Variants in ADGRL2 observed in about 807,000 individuals in gnomAD.
The protein encoded by ADGRL2 is adhesion G protein-coupled receptor L2.
ADGRL2 carries 44 observed loss-of-function variants against 157.4 expected under a neutral mutation model. The ratio of observed to expected loss-of-function variants is 0.28; its 90% CI spans 0.22 to 0.36. The LOEUF (loss-of-function observed/expected upper bound fraction) is 0.36, where lower values mean the gene tolerates loss of function less well. ADGRL2 is among the 10% of genes least tolerant of loss of function. ADGRL2 has a pLI of 1.00. For synonymous variants in ADGRL2, 585 were observed against 624.7 expected, an observed-to-expected ratio of 0.94 and a Z score of 0.95; for missense variants, 1,510 against 1,768.9, an observed-to-expected ratio of 0.85 and a Z score of 2.63.
chr1:81,837,552 T>G (rs1432968993), intron 2 of ADGRL2, among the ~76,000 whole-genome samples: 1 of 151,992 alleles, frequency 6.6e-6, no homozygotes, highest in Non-Finnish European at 1.5e-5. Context: ...ATATGTATAT[T>G]CTTTGTAATG....
intron 1 of ADGRL2, among the ~76,000 whole-genome samples, chr1:81,821,382 C>T (rs2090975762): frequency 6.6e-6 from 1 of 152,120 alleles, no homozygotes; most frequent in Admixed American, 6.6e-5. Flanking sequence ...ATGCAGGGAG[C>T]TCTTCCTCCA....
intron 5 of ADGRL2, 134 bp from the exon 6 acceptor site, chr1:81,942,835 A>G (rs1349627289): frequency 8.3e-6 from 6 of 726,288 alleles, no homozygotes; most frequent in African/African-American, 3.5e-5. Flanking sequence ...TAGTATTTGT[A>G]TGAAGTATAC....
In ADGRL2 at chr1:81,634,488, T is replaced by A. The variant is rs535996362; in HGVS notation, c.-143+53508T>A. On this transcript the variant is annotated intron_variant, in intron 3 of 24. Transcript: ENST00000370721. ...TGTTCCCCCCACTATGCTCCAATTA[T>A]GTTAGCTTTAAGTTAGCTATCTTGT... Among the ~76,000 whole-genome samples, 205 of 151,450 alleles carry A rather than the reference T, an allele frequency of 1.4e-3. 4 individuals carry two copies. Among genetic ancestry groups the A allele is most frequent in the Admixed American group, 2.6e-3 (39 of 15,196 alleles).
intron 1 of ADGRL2, among the ~76,000 whole-genome samples, chr1:81,402,518 C>G (rs561086456): frequency 5.3e-5 from 8 of 152,056 alleles, no homozygotes; most frequent in Non-Finnish European, 1.0e-4. Context: ...AGGTTCTAAC[C>G]ATAGCCAGCT....
intron 1 of ADGRL2, among the ~76,000 whole-genome samples, chr1:81,398,270 A>T (rs760766973): frequency 5.3e-5 from 8 of 151,766 alleles, no homozygotes; most frequent in Non-Finnish European, 1.0e-4. Flanking sequence ...TCACTGTATA[A>T]CTTTTAAGTA....
chr1:81,833,556 T>C (rs553945531), intron 1 of ADGRL2, among the ~76,000 whole-genome samples: 1 of 152,354 alleles, frequency 6.6e-6, no homozygotes, highest in South Asian at 2.1e-4. Context: ...TAATAAACAT[T>C]TTATTTTTTC....
chr1:81,390,002 G>C (rs1398639520), intron 1 of ADGRL2, among the ~76,000 whole-genome samples: 2 of 152,104 alleles, frequency 1.3e-5, no homozygotes, highest in East Asian at 3.9e-4. Flanking sequence ...TGATAATACA[G>C]GTTGAGGTAA....
At chr1:81,527,908 A>C (rs917573557) in intron 2 of ADGRL2, among the ~76,000 whole-genome samples, 1 of 151,746 alleles carries the variant, frequency 6.6e-6, no homozygotes, top group Non-Finnish European at 1.5e-5. Flanking sequence ...TCTACTAAAA[A>C]TACCAACAAT....
Position 81,561,437 on chromosome 1 carries a change from TTCTG to T in ADGRL2, c.-247-19437_-247-19434del, listed in dbSNP as rs1342209889. ...CAATTTTTTGTTTTGTTTTGTTTTG[TTCTG>T]TTTTTTTTTGTTGTTGTTGTTTTTG... is the stretch of plus-strand genomic sequence containing the variant. On this transcript the variant is annotated intron_variant, in intron 2 of 24. Coordinates refer to the ADGRL2 transcript ENST00000370721. 1.2e-4 allele frequency among the ~76,000 whole-genome samples: 18 copies of T among 150,230 alleles called. No individual in the cohort carries two copies. In the South Asian group the frequency reaches 1.7e-3, roughly 14 times the overall value.
chr1:81,543,842 C>T (rs987620269), intron 2 of ADGRL2, among the ~76,000 whole-genome samples: 1 of 152,200 alleles, frequency 6.6e-6, no homozygotes, highest in Non-Finnish European at 1.5e-5. Flanking sequence ...TTTCTAAACT[C>T]ATCTCCTTTT....
At chr1:81,486,397 T>C (rs557126094) in intron 2 of ADGRL2, among the ~76,000 whole-genome samples, 3 of 152,230 alleles carry the variant, frequency 2.0e-5, no homozygotes, top group African/African-American at 7.2e-5. Context: ...AAATTGTCTC[T>C]GAAGGCAATC....
intron 1 of ADGRL2, among the ~76,000 whole-genome samples, chr1:81,365,562 A>G (rs1034350996): frequency 2.0e-5 from 3 of 152,194 alleles, no homozygotes; most frequent in African/African-American, 7.2e-5. Context: ...TCCTTCTTAA[A>G]TCAAAATAAG....
intron 2 of ADGRL2, among the ~76,000 whole-genome samples, chr1:81,497,737 G>A (rs754705155): frequency 4.6e-5 from 7 of 152,204 alleles, no homozygotes; most frequent in Admixed American, 2.0e-4. Context: ...ATGATGCGAA[G>A]TATGTGAAGT....
intron 1 of ADGRL2, among the ~76,000 whole-genome samples, chr1:81,338,727 T>A (rs1661835598): frequency 6.6e-6 from 1 of 152,172 alleles, no homozygotes; most frequent in African/African-American, 2.4e-5. Context: ...CTATTCCTCT[T>A]CTGCAAATGA....
chr1:81,457,236 G>A (rs1423365901), intron 2 of ADGRL2, among the ~76,000 whole-genome samples: 1 of 151,848 alleles, frequency 6.6e-6, no homozygotes, highest in African/African-American at 2.4e-5. Flanking sequence ...AAGGTCTCTT[G>A]ACCACAGAAA....
chr1:81,579,636 G>T (rs957782359), intron 2 of ADGRL2, among the ~76,000 whole-genome samples: 1 of 152,062 alleles, frequency 6.6e-6, no homozygotes, highest in Non-Finnish European at 1.5e-5. Context: ...AGAGGCATCT[G>T]CAGCTTTTTT....
intron 1 of ADGRL2, among the ~76,000 whole-genome samples, chr1:81,832,439 G>A (rs2092009887): frequency 6.6e-6 from 1 of 152,110 alleles, no homozygotes; most frequent in Admixed American, 6.6e-5. Context: ...CACCTTGCCC[G>A]GCCTGAACTT....
chr1:81,880,437 A>G (rs371728728), intron 2 of ADGRL2, among the ~76,000 whole-genome samples: 1 of 152,190 alleles, frequency 6.6e-6, no homozygotes, highest in Admixed American at 6.5e-5. Flanking sequence ...TCCTTAGCTT[A>G]ACAAGGTTCA....
chr1:81,579,307 A>T (rs1257230681), intron 2 of ADGRL2: 1 of 152,138 alleles, frequency 6.6e-6, no homozygotes, highest in Non-Finnish European at 1.5e-5. Context: ...CAGTTACAAG[A>T]TCACTGTTTG....
Sources: gnomAD v4.1 joint callset for allele counts (sites outside exome capture counted in the v4.1 genomes callset) on GRCh38, gnomAD v4.1.1 for gene constraint, MANE v1.5 for transcripts, NCBI Gene and HGNC (gene_info 2026-07-23, HGNC 2026-07-21) for gene names.